Variants in LDB2 observed in about 807,000 individuals in gnomAD.
LDB2 encodes LIM domain binding 2.
In LDB2, 12 loss-of-function variants were observed where a neutral mutation model predicts 44.3. That is an observed-to-expected ratio of 0.27 (90% CI 0.17 to 0.44). The LOEUF (loss-of-function observed/expected upper bound fraction) is 0.44, where lower values mean the gene tolerates loss of function less well. Among genes scored for constraint, LDB2 ranks in the 20% least tolerant of loss-of-function variants. The pLI is 1.00. For synonymous variants in LDB2, 164 were observed against 174.8 expected (o/e 0.94, Z 0.49); for missense variants, 344 against 473.5 (o/e 0.73, Z 2.54).
At chr4:16,833,616 C>T (rs889767589) in intron 1 of LDB2, among the ~76,000 whole-genome samples, 1 of 150,336 alleles carries the variant, frequency 6.7e-6, no homozygotes, top group African/African-American at 2.4e-5. Flanking sequence ...GATCTCTGCT[C>T]ACTGCAACCT....
chr4:16,666,002 C>T (rs530194674), intron 2 of LDB2, among the ~76,000 whole-genome samples: 1 of 152,290 alleles, frequency 6.6e-6, no homozygotes, highest in African/African-American at 2.4e-5. Context: ...AACAATCTCC[C>T]TCAGAGCCCT....
intron 5 of LDB2, among the ~76,000 whole-genome samples, chr4:16,543,438 T>C (rs1734607314): frequency 1.3e-5 from 2 of 152,210 alleles, no homozygotes; most frequent in Admixed American, 1.3e-4. Context: ...GCACCTGTTG[T>C]TTCCTGACTT....
intron 2 of LDB2, among the ~76,000 whole-genome samples, chr4:16,610,013 C>T (rs529227051): frequency 7.4e-4 from 112 of 152,204 alleles, no homozygotes; most frequent in Admixed American, 1.4e-3. Context: ...CCCATCTTTG[C>T]TGCTCTCCAG....
chr4:16,545,854 C>T (rs1228864192), intron 5 of LDB2, among the ~76,000 whole-genome samples: 4 of 152,102 alleles, frequency 2.6e-5, no homozygotes, highest in African/African-American at 9.7e-5. Context: ...GCCCCTTCTC[C>T]GATTATAGAT....
At chr4:16,585,852 C>T (rs1225098581) in intron 5 of LDB2, 70 bp downstream of exon 5, 7 of 1,150,370 alleles carry the variant, frequency 6.1e-6, no homozygotes, top group African/African-American at 1.5e-5. Context: ...CTTCTTGGTT[C>T]AGGATGCATA....
At chr4:16,563,286 G>A (rs936953725) in intron 5 of LDB2, among the ~76,000 whole-genome samples, 9 of 151,172 alleles carry the variant, frequency 6.0e-5, no homozygotes, top group South Asian at 4.2e-4. Context: ...CCAGGATCTC[G>A]TTTCTATCTG....
At chr4:16,772,803 C>T (rs887365353) in intron 1 of LDB2, among the ~76,000 whole-genome samples, 39 of 152,104 alleles carry the variant, frequency 2.6e-4, no homozygotes, top group East Asian at 7.7e-4. Flanking sequence ...ATATGTCCAC[C>T]GGAAAGAAAA....
At chr4:16,893,074 T>A (rs1167170617) in intron 1 of LDB2, 2 of 972,380 alleles carry the variant, frequency 2.1e-6, no homozygotes, top group African/African-American at 3.5e-5. Flanking sequence ...GTCTTACAAT[T>A]GGTTTTCTGA....
chr4:16,502,946 G>A lies in LDB2; in HGVS notation c.892-73C>T, dbSNP rs1717895233. On this transcript the variant is annotated intron_variant, in intron 7 of 7. Coordinates refer to ENST00000304523, the MANE Select transcript of LDB2 (RefSeq NM_001290.5). Reference sequence around the variant, plus strand: ...AGCTCAGCTTAAAATAACAGTGGGAGGAGTCGGGGAATCTAGGACAGACAC... The same window carrying A: ...AGCTCAGCTTAAAATAACAGTGGGAAGAGTCGGGGAATCTAGGACAGACAC... The A allele has an allele frequency of 4.4e-6, 7 of 1,604,334 alleles. No homozygotes were observed. In the Admixed American group the frequency reaches 1.0e-4, roughly 23 times the overall value.
chr4:16,897,494 C>G (rs1485242179), intron 1 of LDB2, among the ~76,000 whole-genome samples: 1 of 152,112 alleles, frequency 6.6e-6, no homozygotes, highest in Non-Finnish European at 1.5e-5. Flanking sequence ...ATTTAAATTG[C>G]AGGAGGCGAG....
chr4:16,813,867 C>CTTTTCTTTTCTTTT (rs1401520700), intron 1 of LDB2, among the ~76,000 whole-genome samples: 3 of 150,338 alleles, frequency 2.0e-5, no homozygotes, highest in Non-Finnish European at 4.4e-5. Context: ...ATTTTCTTTT[C>CTTTTCTTTTCTTTT]TTTTCTTTTC....
chr4:16,822,722 G>A (rs1000227719), intron 1 of LDB2, among the ~76,000 whole-genome samples: 13 of 151,838 alleles, frequency 8.6e-5, no homozygotes, highest in Non-Finnish European at 1.9e-4. Context: ...CACCATGTTG[G>A]CCAGGCTGGT....
intron 5 of LDB2, among the ~76,000 whole-genome samples, chr4:16,554,026 G>T (rs1254806179): frequency 4.6e-5 from 7 of 151,718 alleles, no homozygotes; most frequent in Non-Finnish European, 1.0e-4. Context: ...ACATCCCATT[G>T]GACGTATTCA....
intron 5 of LDB2, among the ~76,000 whole-genome samples, chr4:16,561,171 C>A (rs532234527): frequency 1.3e-5 from 2 of 152,094 alleles, no homozygotes; most frequent in South Asian, 4.2e-4. Context: ...ACAGGGATGC[C>A]CTCTCTCACC....
intron 2 of LDB2, among the ~76,000 whole-genome samples, chr4:16,653,189 C>A (rs566404109): frequency 6.6e-6 from 1 of 152,260 alleles, no homozygotes; most frequent in East Asian, 1.9e-4. Flanking sequence ...CTGGAGAGAA[C>A]TAAGTCGCAT....
chr4:16,669,430 A>C (rs990448541), intron 2 of LDB2, among the ~76,000 whole-genome samples: 61 of 152,146 alleles, frequency 4.0e-4, no homozygotes, highest in African/African-American at 1.4e-3. Context: ...CAGTCCACTA[A>C]AATCTGGACC....
At chr4:16,763,118 C>CAT (rs1169927011) in intron 1 of LDB2, among the ~76,000 whole-genome samples, 1 of 119,532 alleles carries the variant, frequency 8.4e-6, no homozygotes, top group African/African-American at 3.1e-5. Flanking sequence ...CACACACACA[C>CAT]GTAATTGGTT....
rs985731425 is a variant in LDB2, at chr4:16,862,865, C to G, written c.132+35489G>C. Among the ~76,000 whole-genome samples, 5 of 152,228 alleles carry G rather than the reference C, an allele frequency of 3.3e-5. No homozygotes were observed. In the South Asian group the frequency reaches 1.0e-3, roughly 32 times the overall value. Reference sequence around the variant, plus strand: ...GCCCCCGAAGTCCAGCAAATTTGAACTTCTTTGTGCAACTGTTATAAAGAT... The same window carrying G: ...GCCCCCGAAGTCCAGCAAATTTGAAGTTCTTTGTGCAACTGTTATAAAGAT... On this transcript the variant is annotated intron_variant, in intron 1 of 7. Coordinates refer to ENST00000304523, the MANE Select transcript of LDB2 (RefSeq NM_001290.5).
chr4:16,508,718 T>C, intron 6 of LDB2, 32 bp from the exon 7 acceptor site: 1 of 1,600,240 alleles, frequency 6.2e-7, no homozygotes, highest in Non-Finnish European at 8.5e-7. Flanking sequence ...AGGGATCAGT[T>C]CTAGGGCAAA....
Sources: allele counts gnomAD v4.1 joint callset (sites outside exome capture counted in the v4.1 genomes callset), GRCh38; gene constraint gnomAD v4.1.1; transcripts MANE v1.5; gene names NCBI Gene and HGNC (gene_info 2026-07-23, HGNC 2026-07-21).